RTN1: variants seen among roughly 807,000 people sequenced by gnomAD.
RTN1 encodes reticulon 1, also known as reticulon-1.
A neutral mutation model predicts 65.5 loss-of-function variants in RTN1; 25 were observed. The ratio of observed to expected loss-of-function variants is 0.38; its 90% CI spans 0.28 to 0.53. The LOEUF is 0.53. Among genes scored for constraint, RTN1 ranks in the 20% least tolerant of loss-of-function variants. RTN1 has a pLI of 0.79. For synonymous variants in RTN1, 471 were observed against 447.6 expected (o/e 1.05, Z -0.66); for missense variants, 983 against 1,025.4 (o/e 0.96, Z 0.57).
At chr14:59,768,590 T>A (rs935371694) in intron 1 of RTN1, among the ~76,000 whole-genome samples, 1 of 152,128 alleles carries the variant, frequency 6.6e-6, no homozygotes, top group African/African-American at 2.4e-5. Context: ...CCCACTCCAG[T>A]TTCTACCCTA....
At chr14:59,840,883 A>T (rs1169663693) in intron 1 of RTN1, among the ~76,000 whole-genome samples, 1 of 152,202 alleles carries the variant, frequency 6.6e-6, no homozygotes. Context: ...ATACTTTTTC[A>T]TGCCATTCAC....
intron 1 of RTN1, among the ~76,000 whole-genome samples, chr14:59,833,666 T>C (rs938399895): frequency 1.3e-5 from 2 of 152,148 alleles, no homozygotes; most frequent in Admixed American, 6.5e-5. Flanking sequence ...AGGTAGTTTT[T>C]CAATCCTCAC....
chr14:59,832,250 T>C (rs1204020024), intron 1 of RTN1, among the ~76,000 whole-genome samples: 1 of 152,232 alleles, frequency 6.6e-6, no homozygotes. Flanking sequence ...CTTTTCCATA[T>C]TGAAGAACAA....
intron 3 of RTN1, among the ~76,000 whole-genome samples, chr14:59,721,334 C>T (rs2139468291): frequency 6.6e-6 from 1 of 152,328 alleles, no homozygotes; most frequent in Non-Finnish European, 1.5e-5. Context: ...CAGACAGGTA[C>T]CTCTCTAACA....
chr14:59,731,809 A>G (rs1218286764), intron 2 of RTN1, among the ~76,000 whole-genome samples: 1 of 152,042 alleles, frequency 6.6e-6, no homozygotes, highest in Non-Finnish European at 1.5e-5. Flanking sequence ...TCCTGATCTC[A>G]TCTCTTCTCA....
intron 2 of RTN1, among the ~76,000 whole-genome samples, chr14:59,732,314 C>A (rs374652296): frequency 6.6e-5 from 10 of 152,124 alleles, no homozygotes; most frequent in African/African-American, 1.9e-4. Flanking sequence ...GTATATGGAG[C>A]GGCCAAGATG....
rs1881443429 is a variant in RTN1 at position 59,597,630 on chromosome 14, A to C, written c.2289-843T>G. ...TCCTGTAGGAATTGAGGAGACAGAA[A>C]TAAACTAGAAGACAAGAGAAGTTTA... On this transcript the variant is annotated intron_variant, in intron 8 of 8. Transcript: ENST00000267484. Among the ~76,000 whole-genome samples, 3 of 152,236 alleles carry C rather than the reference A, an allele frequency of 2.0e-5. 1 individual carries two copies. In the South Asian group the frequency reaches 6.2e-4, roughly 32 times the overall value.
rs186058649 is a variant in RTN1, at chr14:59,690,305, G to C, written c.1765+36614C>G. Reference sequence around the variant, plus strand: ...CAAAAGGAAAACAAAGAGCGGAGGTGGGGGGGGGTCATTATCCTTATATCA... The same window carrying C: ...CAAAAGGAAAACAAAGAGCGGAGGTCGGGGGGGGTCATTATCCTTATATCA... On this transcript the variant is annotated intron_variant, in intron 3 of 8. Transcript: ENST00000267484. Among the ~76,000 whole-genome samples, 1,062 of 137,744 alleles carry C rather than the reference G, an allele frequency of 7.7e-3. 12 individuals are homozygous for C. The highest frequency in any genetic ancestry group is 0.033 in the African/African-American group (999 of 30,666). The allele number at this position is 137,744 out of a possible 152,430, so 90.4% of individuals were successfully genotyped here.
In RTN1 at chr14:59,816,889, C is replaced by T. The variant is rs770680699; in HGVS notation, c.241+53501G>A. On this transcript the variant is annotated intron_variant, in intron 1 of 8. Coordinates refer to ENST00000267484, the MANE Select transcript of RTN1 (RefSeq NM_021136.3). This position sits in a 1 kb window ranked among gnomAD's most constrained non-coding sequence, Gnocchi z 4.3. The stretch of plus-strand genomic sequence containing the variant: ...CGGAGGTTGCAGTGAGTCGAGATCG[C>T]GCCACTGTACTCCAGCCTGGGTGAC... Among the ~76,000 whole-genome samples, 1 of 152,086 alleles carries T rather than the reference C, an allele frequency of 6.6e-6. No homozygotes were observed. The highest frequency in any genetic ancestry group is 1.5e-5 in the Non-Finnish European group (1 of 68,008).
At chr14:59,749,017 G>A (rs1275495717) in intron 1 of RTN1, among the ~76,000 whole-genome samples, 1 of 149,598 alleles carries the variant, frequency 6.7e-6, no homozygotes, top group Non-Finnish European at 1.5e-5. Flanking sequence ...TCGAACTCCT[G>A]ACCTCAGGTG....
At chr14:59,653,893 T>TTTTA (rs142064095) in intron 3 of RTN1, among the ~76,000 whole-genome samples, 3,519 of 151,878 alleles carry the variant, frequency 0.023, 139 homozygotes, top group African/African-American at 0.08. Flanking sequence ...TTGAACAACA[T>TTTTA]TTTATTTATT....
intron 3 of RTN1, among the ~76,000 whole-genome samples, chr14:59,654,246 C>T (rs1420611353): frequency 4.0e-5 from 6 of 151,852 alleles, no homozygotes; most frequent in Admixed American, 6.6e-5. Flanking sequence ...GCCAATGTGG[C>T]GAAACCCCGT....
chr14:59,747,019 T>C (rs1885242897), intron 1 of RTN1, among the ~76,000 whole-genome samples: 2 of 152,196 alleles, frequency 1.3e-5, no homozygotes, highest in Non-Finnish European at 2.9e-5. Context: ...CAGTCTCTTT[T>C]TCAAGGTCCG....
intron 3 of RTN1, among the ~76,000 whole-genome samples, chr14:59,725,340 T>C (rs549943913): frequency 1.2e-4 from 18 of 152,286 alleles, no homozygotes; most frequent in African/African-American, 4.3e-4. Context: ...AGTTAGGGGA[T>C]AAAATGGAGA....
At chr14:59,602,925 G>A (rs1010280048) in intron 8 of RTN1, 140 bp downstream of exon 8, 3 of 611,676 alleles carry the variant, frequency 4.9e-6, no homozygotes, top group South Asian at 2.5e-5. Context: ...ATTGAGAAGA[G>A]AATGAATATA....
Position 59,766,094 on chromosome 14 carries a change from G to A in RTN1, c.242-19613C>T, listed in dbSNP as rs1885844065. 6.6e-6 allele frequency among the ~76,000 whole-genome samples: 1 copy of A among 152,150 alleles called. No individual in the cohort carries two copies. On this transcript the variant is annotated intron_variant, in intron 1 of 8. Transcript: ENST00000267484. The surrounding 1 kb of genome is among the most constrained non-coding windows in gnomAD (Gnocchi z 4.4). ...AAAATACAAAAATTAGTCGGGCTTG[G>A]TGGTACACACTTGTAGTCCCAGCTA...
At chr14:59,620,606 C>T (rs751239684) in intron 3 of RTN1, among the ~76,000 whole-genome samples, 1 of 152,072 alleles carries the variant, frequency 6.6e-6, no homozygotes, top group African/African-American at 2.4e-5. Flanking sequence ...TTTAATGTGG[C>T]TATTAGAAAA....
At chr14:59,636,217 G>A (rs1316554862) in intron 3 of RTN1, among the ~76,000 whole-genome samples, 4 of 152,176 alleles carry the variant, frequency 2.6e-5, no homozygotes, top group African/African-American at 9.7e-5. Flanking sequence ...AATGTTGGAG[G>A]TGGGGCCTGG....
chr14:59,707,935 G>A (rs1317695934), intron 3 of RTN1, among the ~76,000 whole-genome samples: 1 of 152,208 alleles, frequency 6.6e-6, no homozygotes, highest in Non-Finnish European at 1.5e-5. Flanking sequence ...GGGAATTGCT[G>A]CAAGTAAGCC....
Sources: allele counts gnomAD v4.1 joint callset (sites outside exome capture counted in the v4.1 genomes callset), GRCh38; gene constraint gnomAD v4.1.1; non-coding constraint Gnocchi (gnomAD v3.1); transcripts MANE v1.5; gene names NCBI Gene and HGNC (gene_info 2026-07-23, HGNC 2026-07-21).